The following RBFOX3 variants were observed in gnomAD, a reference collection of about 807,000 sequenced individuals.
RBFOX3 encodes RNA binding protein fox-1 homolog 3.
Under a neutral mutation model 48.7 loss-of-function variants are expected in RBFOX3, and 17 were observed. The ratio of observed to expected loss-of-function variants is 0.35; its 90% CI spans 0.24 to 0.52. RBFOX3 has a LOEUF of 0.52. RBFOX3 is among the 20% of genes least tolerant of loss of function. RBFOX3 has a pLI of 0.94. For synonymous variants in RBFOX3, 212 were observed against 209.5 expected (o/e 1.01, Z -0.10); for missense variants, 382 against 497.5 (o/e 0.77, Z 2.21).
At chr17:79,442,799 G>A (rs2071417476) in intron 2 of RBFOX3, among the ~76,000 whole-genome samples, 1 of 152,076 alleles carries the variant, frequency 6.6e-6, no homozygotes, top group Admixed American at 6.5e-5. Flanking sequence ...GTGAGGGGAG[G>A]ACACCTCCCA....
chr17:79,514,893 G>C (rs889921390), intron 1 of RBFOX3, among the ~76,000 whole-genome samples: 11 of 152,318 alleles, frequency 7.2e-5, no homozygotes, highest in Admixed American at 5.9e-4. Flanking sequence ...CTTGGGACTT[G>C]GTGGGACAGG....
chr17:79,102,957 C>T (rs1305829139), intron 8 of RBFOX3, among the ~76,000 whole-genome samples: 4 of 151,356 alleles, frequency 2.6e-5, no homozygotes, highest in African/African-American at 7.3e-5. Context: ...GAGGGGACCT[C>T]GGGTGAGCCT....
At position 79,498,185 on chromosome 17, in the gene RBFOX3, G is replaced by A. The variant is rs1014993909; in HGVS notation, c.-319-15587C>T. ...CCCAGGTTGACTCAGGGCCAGTTTT[G>A]GCCTTCAGTATGCTCTCCCTCAGGG... On this transcript the variant is annotated intron_variant, in intron 1 of 14. Coordinates refer to ENST00000693108, the MANE Select transcript of RBFOX3 (RefSeq NM_001350451.2). Among the ~76,000 whole-genome samples, 165 of 152,306 alleles carry A rather than the reference G, an allele frequency of 1.1e-3. 2 individuals are homozygous for A. The highest frequency in any genetic ancestry group is 3.7e-3 in the African/African-American group (152 of 41,552).
intron 4 of RBFOX3, among the ~76,000 whole-genome samples, chr17:79,191,016 A>G (rs1160314730): frequency 6.6e-6 from 1 of 152,208 alleles, no homozygotes; most frequent in Admixed American, 6.5e-5. Context: ...AGGAAACAGC[A>G]TTCAGGGTTC....
chr17:79,110,461 G>A (rs2030724501), intron 5 of RBFOX3, among the ~76,000 whole-genome samples: 1 of 152,228 alleles, frequency 6.6e-6, no homozygotes, highest in African/African-American at 2.4e-5. Context: ...TGGACAGCAG[G>A]TGGGACCCGG....
At chr17:79,123,432 C>G (rs1012110603) in intron 4 of RBFOX3, among the ~76,000 whole-genome samples, 3 of 151,986 alleles carry the variant, frequency 2.0e-5, no homozygotes, top group Non-Finnish European at 2.9e-5. Flanking sequence ...TGCCCTTCCC[C>G]CTCTGAGTGC....
chr17:79,124,789 C>A (rs1475404391), intron 4 of RBFOX3, among the ~76,000 whole-genome samples: 1 of 152,230 alleles, frequency 6.6e-6, no homozygotes, highest in Non-Finnish European at 1.5e-5. Flanking sequence ...GGACCTGTAG[C>A]CCTGTGGCTT....
At chr17:79,318,674 G>A (rs1037385524) in intron 2 of RBFOX3, among the ~76,000 whole-genome samples, 21 of 151,696 alleles carry the variant, frequency 1.4e-4, no homozygotes, top group Non-Finnish European at 2.4e-4. Context: ...CTAACACGGC[G>A]AAACCCTGTC....
intron 4 of RBFOX3, among the ~76,000 whole-genome samples, chr17:79,230,335 C>T (rs1198688732): frequency 6.6e-6 from 1 of 152,174 alleles, no homozygotes; most frequent in African/African-American, 2.4e-5. Context: ...TCTTGGCTCA[C>T]TGCTACCTCT....
the RBFOX3 span, among the ~76,000 whole-genome samples, chr17:79,643,840 G>A: frequency 7.0e-4 from 107 of 152,102 alleles, no homozygotes; most frequent in African/African-American, 2.4e-3. Flanking sequence ...TAAAAAAGAC[G>A]TTCTCAAATT....
intron 2 of RBFOX3, among the ~76,000 whole-genome samples, chr17:79,342,984 G>A (rs1444798987): frequency 6.6e-6 from 1 of 151,386 alleles, no homozygotes; most frequent in Non-Finnish European, 1.5e-5. Flanking sequence ...AAGAGCGAGA[G>A]AGAGAGAGAG....
At chr17:79,519,942 C>T (rs962465484) in intron 1 of RBFOX3, among the ~76,000 whole-genome samples, 8 of 152,348 alleles carry the variant, frequency 5.3e-5, no homozygotes, top group Non-Finnish European at 8.8e-5. Context: ...TTTTCCTCTG[C>T]ATCCGTTCAC....
chr17:79,426,913 A>T (rs1321973846), intron 2 of RBFOX3, among the ~76,000 whole-genome samples: 1 of 152,158 alleles, frequency 6.6e-6, no homozygotes, highest in Non-Finnish European at 1.5e-5. Context: ...CATGTTGGTC[A>T]GGCTGGTCTC....
intron 2 of RBFOX3, among the ~76,000 whole-genome samples, chr17:79,468,203 A>C (rs2076565010): frequency 6.6e-6 from 1 of 152,228 alleles, no homozygotes; most frequent in African/African-American, 2.4e-5. Flanking sequence ...TCAACTTCAC[A>C]ATAATGATAG....
At position 79,249,112 on chromosome 17, in the gene RBFOX3, A is replaced by T. The variant is rs535728541; in HGVS notation, c.-73-13307T>A. Among the ~76,000 whole-genome samples, 2 of 151,880 alleles carry T rather than the reference A, an allele frequency of 1.3e-5. No homozygotes were observed. Among genetic ancestry groups the T allele is most frequent in the African/African-American group, 2.4e-5 (1 of 41,410 alleles). On this transcript the variant is annotated intron_variant, in intron 3 of 14. Transcript: ENST00000693108. This position sits in a 1 kb window ranked among gnomAD's most constrained non-coding sequence, Gnocchi z 4.1. ...CCTCGCTTCCTGCAGCTGACAAAGG[A>T]CTCCTGAGGCCACTAACCCTTCCAA...
At chr17:79,129,138 C>A (rs572514327) in intron 4 of RBFOX3, among the ~76,000 whole-genome samples, 21 of 152,270 alleles carry the variant, frequency 1.4e-4, no homozygotes, top group East Asian at 9.6e-4. Context: ...GCTGCTGCTG[C>A]TGATGATGAT....
At chr17:79,129,381 A>G (rs2038200900) in intron 4 of RBFOX3, among the ~76,000 whole-genome samples, 1 of 145,482 alleles carries the variant, frequency 6.9e-6, no homozygotes, top group Non-Finnish European at 1.6e-5. Context: ...CTGCTACCTG[A>G]CAGGTATGGA....
At chr17:79,467,360 G>A (rs2076454482) in intron 2 of RBFOX3, among the ~76,000 whole-genome samples, 1 of 152,218 alleles carries the variant, frequency 6.6e-6, no homozygotes, top group African/African-American at 2.4e-5. Context: ...TGAGGGCAGA[G>A]CGGGGAGGAG....
At chr17:79,545,225 C>T (rs369806388) in intron 1 of RBFOX3, among the ~76,000 whole-genome samples, 27 of 152,182 alleles carry the variant, frequency 1.8e-4, no homozygotes, top group Non-Finnish European at 2.9e-4. Flanking sequence ...ATCAGAATCC[C>T]GCTCTGGGAA....
Sources: gnomAD v4.1 joint callset for allele counts (sites outside exome capture counted in the v4.1 genomes callset) on GRCh38, gnomAD v4.1.1 for gene constraint, Gnocchi (gnomAD v3.1) non-coding constraint, MANE v1.5 for transcripts, NCBI Gene and HGNC (gene_info 2026-07-23, HGNC 2026-07-21) for gene names.